CADM1: variants seen among roughly 807,000 people sequenced by gnomAD.
CADM1 encodes TSLC-1.
A neutral mutation model predicts 53.1 loss-of-function variants in CADM1; 15 were observed. The observed-to-expected ratio is 0.28, with a 90% confidence interval of 0.19 to 0.44. The LOEUF is 0.44. Ranked by LOEUF, CADM1 falls within the 20% of genes least tolerant of loss-of-function variation. CADM1 has a pLI of 1.00. For synonymous variants in CADM1, 281 were observed against 243.0 expected, an observed-to-expected ratio of 1.16 and a Z score of -1.45; for missense variants, 434 against 611.3, an observed-to-expected ratio of 0.71 and a Z score of 3.06.
intron 1 of CADM1, among the ~76,000 whole-genome samples, chr11:115,316,072 G>A (rs1273125335): frequency 6.6e-6 from 1 of 152,144 alleles, no homozygotes; most frequent in Non-Finnish European, 1.5e-5. Flanking sequence ...AATTTGGCCA[G>A]CCATGAACAT....
At chr11:115,361,992 G>C (rs751801362) in intron 1 of CADM1, among the ~76,000 whole-genome samples, 1 of 151,914 alleles carries the variant, frequency 6.6e-6, no homozygotes, top group African/African-American at 2.4e-5. Flanking sequence ...CCCCCACCTC[G>C]GCCTCTCAAA....
intron 1 of CADM1, among the ~76,000 whole-genome samples, chr11:115,335,516 A>AT (rs771914689): frequency 1.1e-4 from 16 of 152,144 alleles, no homozygotes; most frequent in Non-Finnish European, 1.9e-4. Context: ...TTATGGTTTT[A>AT]TTCTCCTTTG....
At chr11:115,491,817 C>G (rs1326216257) in intron 1 of CADM1, among the ~76,000 whole-genome samples, 1 of 152,132 alleles carries the variant, frequency 6.6e-6, no homozygotes, top group African/African-American at 2.4e-5. Context: ...ATGGATGAAG[C>G]TGGAAACCAT....
chr11:115,267,827 C>T (rs567577825), intron 1 of CADM1, among the ~76,000 whole-genome samples: 1 of 151,572 alleles, frequency 6.6e-6, no homozygotes, highest in African/African-American at 2.4e-5. Flanking sequence ...GAGAAGGACA[C>T]GTGCAAAAGA....
intron 1 of CADM1, among the ~76,000 whole-genome samples, chr11:115,346,840 A>C (rs915808915): frequency 9.2e-5 from 14 of 152,314 alleles, no homozygotes; most frequent in African/African-American, 2.4e-4. Context: ...AGTGACCATT[A>C]CTAGCAACAA....
intron 5 of CADM1, among the ~76,000 whole-genome samples, chr11:115,224,493 T>A (rs1439665452): frequency 6.6e-6 from 1 of 152,132 alleles, no homozygotes; most frequent in Non-Finnish European, 1.5e-5. Context: ...TCAAAACTCA[T>A]CTCTGAGTTT....
At chr11:115,438,970 T>G (rs915239443) in intron 1 of CADM1, among the ~76,000 whole-genome samples, 7 of 152,304 alleles carry the variant, frequency 4.6e-5, no homozygotes, top group African/African-American at 1.7e-4. Flanking sequence ...ATTTGTTGCA[T>G]ATGTGGTTAA....
chr11:115,441,124 A>G (rs2427677), intron 1 of CADM1, among the ~76,000 whole-genome samples: 84 of 139,618 alleles, frequency 6.0e-4, no homozygotes, highest in African/African-American at 2.3e-3. Context: ...TTCTTCTGGG[A>G]AAAAAAAAAA....
intron 1 of CADM1, among the ~76,000 whole-genome samples, chr11:115,322,588 G>A (rs1430979457): frequency 6.6e-6 from 1 of 152,036 alleles, no homozygotes; most frequent in African/African-American, 2.4e-5. Flanking sequence ...ATCCCAACCC[G>A]TGGCAACCAC....
At chr11:115,296,370 GT>G (rs1473057554) in intron 1 of CADM1, among the ~76,000 whole-genome samples, 1 of 152,192 alleles carries the variant, frequency 6.6e-6, no homozygotes, top group Non-Finnish European at 1.5e-5. Flanking sequence ...AGTGTGGTGG[GT>G]TTGGGAGATA....
chr11:115,334,826 A>G (rs1945225389), intron 1 of CADM1, among the ~76,000 whole-genome samples: 1 of 152,160 alleles, frequency 6.6e-6, no homozygotes, highest in Non-Finnish European at 1.5e-5. Flanking sequence ...AAATATACAC[A>G]CTGAACATAA....
chr11:115,496,966 T>C (rs1393452824), intron 1 of CADM1, among the ~76,000 whole-genome samples: 3 of 152,182 alleles, frequency 2.0e-5, no homozygotes, highest in African/African-American at 2.4e-5. Flanking sequence ...AGTGGAGATA[T>C]GGCACAGACA....
chr11:115,220,824 C>T (rs1403279763), intron 5 of CADM1, among the ~76,000 whole-genome samples: 1 of 152,150 alleles, frequency 6.6e-6, no homozygotes, highest in African/African-American at 2.4e-5. Flanking sequence ...CCTGGGATTC[C>T]ACTGGCACCT....
intron 1 of CADM1, among the ~76,000 whole-genome samples, chr11:115,423,636 T>C (rs995289567): frequency 2.0e-4 from 30 of 152,224 alleles, no homozygotes; most frequent in Non-Finnish European, 5.9e-5. Flanking sequence ...AAGAGTCTGA[T>C]GGTAACCTCA....
At chr11:115,397,711 T>C (rs909631094) in intron 1 of CADM1, 1 of 60 alleles carries the variant, frequency 0.017, no homozygotes, top group African/African-American at 0.1. Flanking sequence ...AGAGACATTG[T>C]ACTCTATCAG....
chr11:115,208,080 C>CT (rs1267885776), intron 8 of CADM1, among the ~76,000 whole-genome samples: 4 of 152,168 alleles, frequency 2.6e-5, no homozygotes, highest in Non-Finnish European at 5.9e-5. Flanking sequence ...GGTCAACAAA[C>CT]TGAGTTTACT....
At chr11:115,390,321 A>G (rs962377008) in intron 1 of CADM1, among the ~76,000 whole-genome samples, 6 of 151,870 alleles carry the variant, frequency 4.0e-5, no homozygotes, top group East Asian at 1.9e-4. Context: ...GACAAGCCCA[A>G]TTATATTGGG....
chr11:115,366,482 T>A lies in CADM1; in HGVS notation c.125-126062A>T, dbSNP rs76286680. Among the ~76,000 whole-genome samples the A allele has an allele frequency of 5.3e-3, 807 of 152,296 alleles. 9 individuals carry two copies. Among genetic ancestry groups the A allele is most frequent in the African/African-American group, 0.018 (746 of 41,572 alleles). On this transcript the variant is annotated intron_variant, in intron 1 of 11. Transcript: ENST00000331581. ...TAGTCTACTAGTACCTGGGAGTTCA[T>A]ATCCCCTCGGAGATCCTGAAATGTC...
intron 1 of CADM1, among the ~76,000 whole-genome samples, chr11:115,347,941 G>A (rs1945624283): frequency 6.6e-6 from 1 of 152,096 alleles, no homozygotes; most frequent in Admixed American, 6.5e-5. Flanking sequence ...TGACAAAGTG[G>A]TGCACGAAAA....
Sources: gnomAD v4.1 joint callset for allele counts (sites outside exome capture counted in the v4.1 genomes callset) on GRCh38, gnomAD v4.1.1 for gene constraint, MANE v1.5 for transcripts, NCBI Gene and HGNC (gene_info 2026-07-23, HGNC 2026-07-21) for gene names.